The following TENM2 variants were observed in gnomAD, a reference collection of about 807,000 sequenced individuals.
TENM2 encodes the protein teneurin-2.
In TENM2, 52 loss-of-function variants were observed where a neutral mutation model predicts 245.2. The ratio of observed to expected loss-of-function variants is 0.21; its 90% CI spans 0.17 to 0.27. The LOEUF is 0.27. TENM2 is among the 10% of genes least tolerant of loss of function. The probability of loss-of-function intolerance (pLI) is 1.00; values close to 1 mark genes in which losing one functional copy is unlikely to be tolerated. For synonymous variants in TENM2, 1,363 were observed against 1,438.9 expected, an observed-to-expected ratio of 0.95 and a Z score of 1.19; for missense variants, 3,046 against 3,666.8, an observed-to-expected ratio of 0.83 and a Z score of 4.37.
At chr5:167,277,506 G>A in the TENM2 span, among the ~76,000 whole-genome samples, 1 of 151,996 alleles carries the variant, frequency 6.6e-6, no homozygotes, top group Non-Finnish European at 1.5e-5. Flanking sequence ...AAAAATTTTT[G>A]AGGTATGTTT....
intron 2 of TENM2, among the ~76,000 whole-genome samples, chr5:167,598,878 A>G (rs1021966152): frequency 2.0e-4 from 31 of 152,308 alleles, no homozygotes; most frequent in African/African-American, 6.7e-4. Flanking sequence ...ACCGCAGGTT[A>G]ATCACTCCCT....
At chr5:167,509,499 T>A (rs1769778960) in intron 2 of TENM2, among the ~76,000 whole-genome samples, 1 of 152,204 alleles carries the variant, frequency 6.6e-6, no homozygotes, top group African/African-American at 2.4e-5. Context: ...GACACTTAAT[T>A]AATGCGTTTA....
the TENM2 span, among the ~76,000 whole-genome samples, chr5:167,012,736 A>G: frequency 6.6e-6 from 1 of 152,196 alleles, no homozygotes; most frequent in Non-Finnish European, 1.5e-5. Flanking sequence ...GCTATCAGGT[A>G]CAGGGCTGCA....
intron 12 of TENM2, among the ~76,000 whole-genome samples, chr5:168,136,643 A>G (rs1739607455): frequency 6.6e-6 from 1 of 152,134 alleles, no homozygotes; most frequent in African/African-American, 2.4e-5. Context: ...TCTCCCATAC[A>G]TCAAGGTTTT....
chr5:167,032,342 T>C, the TENM2 span, among the ~76,000 whole-genome samples: 1 of 152,292 alleles, frequency 6.6e-6, no homozygotes, highest in East Asian at 1.9e-4. Context: ...GATACATGTT[T>C]TTTGCTGCCT....
At chr5:167,876,328 T>C in intron 3 of TENM2, 133 bp downstream of exon 5, 1 of 733,386 alleles carries the variant, frequency 1.4e-6, no homozygotes, top group East Asian at 2.7e-5. Flanking sequence ...AATGCATTTG[T>C]CATTTTGTGG....
At chr5:167,336,130 T>C (rs1233185959) in intron 1 of TENM2, among the ~76,000 whole-genome samples, 1 of 151,158 alleles carries the variant, frequency 6.6e-6, no homozygotes, top group Non-Finnish European at 1.5e-5. Flanking sequence ...CCTGCACATT[T>C]ACAAAAATTC....
the TENM2 span, among the ~76,000 whole-genome samples, chr5:166,990,271 TGA>T: frequency 6.6e-6 from 1 of 152,202 alleles, no homozygotes; most frequent in Middle Eastern, 3.2e-3. Flanking sequence ...TTTTTGCATC[TGA>T]AGGCTCAGCC....
intron 3 of TENM2, among the ~76,000 whole-genome samples, chr5:167,907,061 C>T (rs550310118): frequency 9.1e-4 from 138 of 151,962 alleles, no homozygotes; most frequent in Admixed American, 2.4e-3. Context: ...GAAGAAACCC[C>T]ATCTCTACTA....
At chr5:167,362,133 G>C (rs1054784205) in intron 1 of TENM2, among the ~76,000 whole-genome samples, 7 of 152,176 alleles carry the variant, frequency 4.6e-5, no homozygotes, top group African/African-American at 1.7e-4. Flanking sequence ...TACGACATGT[G>C]TTTGGAACAC....
intron 3 of TENM2, among the ~76,000 whole-genome samples, chr5:167,891,557 C>T (rs1279076687): frequency 6.6e-6 from 1 of 152,146 alleles, no homozygotes; most frequent in Non-Finnish European, 1.5e-5. Context: ...GGGGCTTATG[C>T]TGACCCACTA....
the TENM2 span, among the ~76,000 whole-genome samples, chr5:167,036,420 C>T: frequency 1.1e-3 from 165 of 152,194 alleles, no homozygotes; most frequent in Non-Finnish European, 1.9e-3. Context: ...TTTCACATTT[C>T]CAATACAGCT....
At chr5:167,977,931 C>T (rs1001660397) in intron 4 of TENM2, among the ~76,000 whole-genome samples, 2 of 152,134 alleles carry the variant, frequency 1.3e-5, no homozygotes, top group Non-Finnish European at 2.9e-5. Context: ...GGGTGGATCT[C>T]TCATGATCAA....
the TENM2 span, among the ~76,000 whole-genome samples, chr5:167,243,422 T>A: frequency 2.0e-4 from 30 of 152,212 alleles, no homozygotes; most frequent in Admixed American, 2.0e-3. Context: ...TCGAAGGACA[T>A]TATTTTAGTG....
At chr5:167,666,753 G>A (rs1755603912) in intron 2 of TENM2, among the ~76,000 whole-genome samples, 1 of 152,158 alleles carries the variant, frequency 6.6e-6, no homozygotes, top group Admixed American at 6.5e-5. Context: ...GTGGCCTACT[G>A]AAGACATTAT....
chr5:167,606,674 T>C (rs1777078348), intron 2 of TENM2, among the ~76,000 whole-genome samples: 1 of 152,172 alleles, frequency 6.6e-6, no homozygotes, highest in Non-Finnish European at 1.5e-5. Context: ...AATATACTGA[T>C]GTTCTGGGCC....
the TENM2 span, among the ~76,000 whole-genome samples, chr5:167,056,891 C>A: frequency 6.6e-6 from 1 of 151,422 alleles, no homozygotes; most frequent in Non-Finnish European, 1.5e-5. Flanking sequence ...TTTGAGAAAT[C>A]CTCAGTCATT....
chr5:167,549,563 G>A (rs1455886806), intron 2 of TENM2, among the ~76,000 whole-genome samples: 2 of 152,010 alleles, frequency 1.3e-5, no homozygotes, highest in African/African-American at 2.4e-5. Context: ...AAAAGAAGCA[G>A]CCTAAAAACA....
intron 1 of TENM2, among the ~76,000 whole-genome samples, chr5:167,354,210 C>T (rs1759164322): frequency 6.6e-6 from 1 of 152,186 alleles, no homozygotes; most frequent in Non-Finnish European, 1.5e-5. Flanking sequence ...AAGTCAGTGT[C>T]CTTATGGTGT....
Sources: allele counts gnomAD v4.1 joint callset (sites outside exome capture counted in the v4.1 genomes callset), GRCh38; gene constraint gnomAD v4.1.1; transcripts MANE v1.5; gene names NCBI Gene and HGNC (gene_info 2026-07-23, HGNC 2026-07-21).